The following EPHA3 variants were observed in gnomAD, a reference collection of about 807,000 sequenced individuals.
The protein encoded by EPHA3 is EPH receptor A3, also known as ephrin type-A receptor 3.
In EPHA3, 42 loss-of-function variants were observed where a neutral mutation model predicts 107.1. The ratio of observed to expected loss-of-function variants is 0.39; its 90% confidence interval spans 0.31 to 0.51. EPHA3 has a LOEUF of 0.51. Among genes scored for constraint, EPHA3 ranks in the 20% least tolerant of loss-of-function variants. EPHA3 has a pLI of 0.78. For synonymous variants in EPHA3, 461 were observed against 424.8 expected (o/e 1.09, Z -1.05); for missense variants, 1,183 against 1,211.2 (o/e 0.98, Z 0.35).
chr3:89,365,276 G>C (rs1708165573), intron 5 of EPHA3, among the ~76,000 whole-genome samples: 1 of 150,632 alleles, frequency 6.6e-6, no homozygotes, highest in African/African-American at 2.4e-5. Flanking sequence ...TGTCCCCTCA[G>C]ATATAGCCTT....
chr3:89,389,089 A>G (rs1233586053), intron 5 of EPHA3, among the ~76,000 whole-genome samples: 1 of 152,178 alleles, frequency 6.6e-6, no homozygotes, highest in Admixed American at 6.5e-5. Flanking sequence ...AAAAATATAA[A>G]CTATAACTCT....
At chr3:89,158,012 C>A (rs1346943462) in intron 2 of EPHA3, among the ~76,000 whole-genome samples, 3 of 151,982 alleles carry the variant, frequency 2.0e-5, no homozygotes, top group Admixed American at 2.0e-4. Context: ...GTTGAAAGAG[C>A]CTACCATTGC....
intron 5 of EPHA3, among the ~76,000 whole-genome samples, chr3:89,393,561 T>G (rs1340777263): frequency 1.3e-5 from 2 of 152,226 alleles, no homozygotes; most frequent in Non-Finnish European, 2.9e-5. Flanking sequence ...TCAAATTAAA[T>G]GTAGGACCTC....
rs773846066 is a variant in EPHA3 at position 89,210,451 on chromosome 3, G to A, written c.745G>A (p.Glu249Lys). The part of the protein sequence containing the change: ...PPRMYCSTEG[E>K]WLVPIGKCSC... ...AAGGATGTACTGCAGTACAGAAGGC[G>A]AATGGCTTGTACCCATTGGCAAGTG... Residue 249 changes from glutamate (E) to lysine (K), a missense_variant, in exon 3 of 17, where the codon GAA (glutamate) becomes AAA (lysine). Transcript: ENST00000336596. 2.4e-5 allele frequency: 38 copies of A among 1,609,380 alleles called. No individual in the cohort carries two copies. Among genetic ancestry groups the A allele is most frequent in the East Asian group, 1.3e-4 (6 of 44,860 alleles).
At chr3:89,258,507 C>A (rs1022577499) in intron 3 of EPHA3, among the ~76,000 whole-genome samples, 3 of 152,010 alleles carry the variant, frequency 2.0e-5, no homozygotes, top group African/African-American at 7.3e-5. Context: ...AAATTTCTTT[C>A]AAATGGCTCA....
At chr3:89,296,134 G>T (rs1375840946) in intron 3 of EPHA3, among the ~76,000 whole-genome samples, 1 of 152,092 alleles carries the variant, frequency 6.6e-6, no homozygotes, top group Non-Finnish European at 1.5e-5. Flanking sequence ...CATCCATAAG[G>T]ATTGGAATCA....
intron 3 of EPHA3, among the ~76,000 whole-genome samples, chr3:89,270,189 C>T (rs1000958847): frequency 6.6e-6 from 1 of 152,006 alleles, no homozygotes; most frequent in African/African-American, 2.4e-5. Flanking sequence ...AGGCATTCTG[C>T]ATGGTACCTG....
intron 5 of EPHA3, among the ~76,000 whole-genome samples, chr3:89,382,471 G>T (rs1708531150): frequency 6.8e-6 from 1 of 147,014 alleles, no homozygotes; most frequent in East Asian, 2.0e-4. Context: ...TCGCACCATT[G>T]CACTCCAACC....
chr3:89,195,428 G>A (rs1468726935), intron 2 of EPHA3, among the ~76,000 whole-genome samples: 1 of 152,114 alleles, frequency 6.6e-6, no homozygotes, highest in East Asian at 1.9e-4. Context: ...TATAGAATTA[G>A]TAGATGATGG....
intron 5 of EPHA3, among the ~76,000 whole-genome samples, chr3:89,343,419 A>G (rs1707577522): frequency 6.6e-6 from 1 of 152,150 alleles, no homozygotes; most frequent in African/African-American, 2.4e-5. Flanking sequence ...AATTTCTCAA[A>G]TACACTGAGT....
chr3:89,137,018 T>C (rs1704328488), intron 2 of EPHA3, among the ~76,000 whole-genome samples: 1 of 151,884 alleles, frequency 6.6e-6, no homozygotes, highest in Non-Finnish European at 1.5e-5. Flanking sequence ...AATGCACAGT[T>C]ATTAAAATAA....
chr3:89,212,780 A>G (rs1188720654), intron 3 of EPHA3, among the ~76,000 whole-genome samples: 1 of 152,006 alleles, frequency 6.6e-6, no homozygotes, highest in Admixed American at 6.6e-5. Context: ...TTAGTGTACC[A>G]AATACCTTAT....
At chr3:89,171,805 T>C (rs1365969547) in intron 2 of EPHA3, among the ~76,000 whole-genome samples, 1 of 152,168 alleles carries the variant, frequency 6.6e-6, no homozygotes, top group Non-Finnish European at 1.5e-5. Flanking sequence ...TAAAACTCCT[T>C]TGAATCAGGA....
intron 13 of EPHA3, among the ~76,000 whole-genome samples, chr3:89,446,567 T>G (rs929139185): frequency 1.3e-5 from 2 of 152,106 alleles, no homozygotes; most frequent in Admixed American, 1.3e-4. Context: ...ATGGCTGTCA[T>G]CAACCTATTG....
intron 3 of EPHA3, among the ~76,000 whole-genome samples, chr3:89,251,796 G>GA (rs1012874289): frequency 2.7e-5 from 4 of 150,354 alleles, no homozygotes; most frequent in African/African-American, 2.4e-5. Flanking sequence ...ATTGTGTGTA[G>GA]AAAAAAAAAT....
At chr3:89,371,933 C>A (rs1160719633) in intron 5 of EPHA3, among the ~76,000 whole-genome samples, 3 of 151,208 alleles carry the variant, frequency 2.0e-5, no homozygotes, top group Non-Finnish European at 4.4e-5. Context: ...ACTCTCAAAC[C>A]AGTTGTTTCT....
intron 3 of EPHA3, among the ~76,000 whole-genome samples, chr3:89,333,203 C>T (rs576245408): frequency 6.6e-6 from 1 of 152,238 alleles, no homozygotes; most frequent in East Asian, 1.9e-4. Context: ...CTGTTTCATA[C>T]TTGTTTCCAT....
chr3:89,111,022 A>G (rs1707093076), intron 1 of EPHA3, among the ~76,000 whole-genome samples: 1 of 152,070 alleles, frequency 6.6e-6, no homozygotes, highest in Non-Finnish European at 1.5e-5. Flanking sequence ...TTGAAAATAG[A>G]GTATCCAAAA....
intron 16 of EPHA3, among the ~76,000 whole-genome samples, chr3:89,478,235 T>A (rs1338472317): frequency 6.6e-6 from 1 of 152,232 alleles, no homozygotes; most frequent in East Asian, 1.9e-4. Context: ...ATAAAAGAGA[T>A]AGGTCTTTGT....
Sources: allele counts gnomAD v4.1 joint callset (sites outside exome capture counted in the v4.1 genomes callset), GRCh38; gene constraint gnomAD v4.1.1; transcripts MANE v1.5; gene names NCBI Gene and HGNC (gene_info 2026-07-23, HGNC 2026-07-21).